Variants in EYA1 observed in about 807,000 individuals in gnomAD.
EYA1 encodes the protein protein phosphatase EYA1.
Under a neutral mutation model 82.0 loss-of-function variants are expected in EYA1, and 16 were observed. The ratio of observed to expected loss-of-function variants is 0.20; its 90% CI spans 0.13 to 0.30. The LOEUF (loss-of-function observed/expected upper bound fraction) is 0.30, where lower values mean the gene tolerates loss of function less well. EYA1 is among the 10% of genes least tolerant of loss of function. EYA1 has a pLI of 1.00. For missense variants in EYA1, 633 were observed against 730.7 expected (o/e 0.87, Z 1.54); for synonymous variants, 261 against 264.4 (o/e 0.99, Z 0.12).
intron 11 of EYA1, among the ~76,000 whole-genome samples, chr8:71,264,431 A>T (rs2128937399): frequency 6.6e-6 from 1 of 152,348 alleles, no homozygotes; most frequent in South Asian, 2.1e-4. Context: ...GACAAGTGAG[A>T]TCCTCTTAGA....
chr8:71,430,738 G>A (rs1483951038), intron 2 of EYA1, among the ~76,000 whole-genome samples: 2 of 152,156 alleles, frequency 1.3e-5, no homozygotes, highest in African/African-American at 4.8e-5. Context: ...TCCCCAAGTA[G>A]CCAGAAATGA....
chr8:71,266,220 C>T (rs1399754979), intron 11 of EYA1, among the ~76,000 whole-genome samples: 2 of 152,220 alleles, frequency 1.3e-5, no homozygotes, highest in Non-Finnish European at 2.9e-5. Context: ...GGCTCAGCCA[C>T]ATGCTCCCCT....
At chr8:71,315,156 TGAC>T (rs1253668668) in intron 7 of EYA1, among the ~76,000 whole-genome samples, 1 of 152,118 alleles carries the variant, frequency 6.6e-6, no homozygotes, top group African/African-American at 2.4e-5. Context: ...CTTCACAGAC[TGAC>T]AACTGAGCAA....
At chr8:71,423,758 T>C (rs1182778906) in intron 2 of EYA1, among the ~76,000 whole-genome samples, 3 of 152,284 alleles carry the variant, frequency 2.0e-5, no homozygotes, top group African/African-American at 7.2e-5. Context: ...ATTTTTTTCT[T>C]AAAATAGTTA....
At chr8:71,524,913 T>C (rs1813697318) in intron 2 of EYA1, among the ~76,000 whole-genome samples, 1 of 152,202 alleles carries the variant, frequency 6.6e-6, no homozygotes, top group Non-Finnish European at 1.5e-5. Flanking sequence ...ACACAGGAAG[T>C]ATTGTTTTTG....
chr8:71,453,242 C>A (rs1807545379), intron 2 of EYA1, among the ~76,000 whole-genome samples: 1 of 152,174 alleles, frequency 6.6e-6, no homozygotes, highest in African/African-American at 2.4e-5. Context: ...AAGAAAAGAA[C>A]AAAGCCTCCA....
intron 2 of EYA1, among the ~76,000 whole-genome samples, chr8:71,500,161 A>G (rs1811712046): frequency 6.6e-6 from 1 of 152,256 alleles, no homozygotes; most frequent in African/African-American, 2.4e-5. Context: ...AGGTCTGAAC[A>G]GAAGATAAAT....
chr8:71,240,883 C>G (rs369414116), intron 12 of EYA1, among the ~76,000 whole-genome samples: 173 of 152,270 alleles, frequency 1.1e-3, no homozygotes, highest in African/African-American at 4.1e-3. Context: ...AAAAAGCTAA[C>G]AGAAAGAACT....
At chr8:71,407,135 G>A (rs367833977) in intron 2 of EYA1, among the ~76,000 whole-genome samples, 15,071 of 127,452 alleles carry the variant, frequency 0.12, 363 homozygotes, top group South Asian at 0.17. Flanking sequence ...ACACGGCAGG[G>A]TATTCCAACA....
intron 11 of EYA1, among the ~76,000 whole-genome samples, chr8:71,245,328 GC>G (rs1176166150): frequency 2.0e-5 from 3 of 152,046 alleles, no homozygotes; most frequent in Admixed American, 1.3e-4. Flanking sequence ...CCAGGTTCAA[GC>G]AATTCTCCTG....
intron 2 of EYA1, among the ~76,000 whole-genome samples, chr8:71,484,794 G>A (rs567674659): frequency 3.3e-5 from 5 of 152,236 alleles, no homozygotes; most frequent in South Asian, 2.1e-4. Flanking sequence ...CCATGCTGCC[G>A]CTCCCCATCA....
At chr8:71,329,252 T>G (rs1022761598) in intron 4 of EYA1, among the ~76,000 whole-genome samples, 3 of 152,210 alleles carry the variant, frequency 2.0e-5, no homozygotes, top group African/African-American at 7.2e-5. Context: ...TCTCACGGTA[T>G]TAGCCCCTAC....
chr8:71,246,268 T>A (rs946730296), intron 11 of EYA1, among the ~76,000 whole-genome samples: 8 of 152,190 alleles, frequency 5.3e-5, no homozygotes, highest in Admixed American at 1.3e-4. Flanking sequence ...TTGGAATAAG[T>A]ATGGAATCTC....
intron 2 of EYA1, among the ~76,000 whole-genome samples, chr8:71,441,404 C>T (rs1806425514): frequency 6.6e-6 from 1 of 151,904 alleles, no homozygotes; most frequent in Non-Finnish European, 1.5e-5. Flanking sequence ...AGTGAAACTC[C>T]ATCTCAAAAA....
intron 2 of EYA1, among the ~76,000 whole-genome samples, chr8:71,434,688 T>C (rs1325239310): frequency 2.0e-5 from 3 of 152,194 alleles, no homozygotes; most frequent in Non-Finnish European, 4.4e-5. Context: ...ATGTGAATTG[T>C]TTATTGATAG....
At chr8:71,236,331 G>A (rs1811827582) in intron 12 of EYA1, among the ~76,000 whole-genome samples, 1 of 152,062 alleles carries the variant, frequency 6.6e-6, no homozygotes, top group African/African-American at 2.4e-5. Context: ...CACAGCACCT[G>A]GCCGAATTTT....
At chr8:71,465,955 T>C (rs1312390114) in intron 2 of EYA1, among the ~76,000 whole-genome samples, 2 of 152,198 alleles carry the variant, frequency 1.3e-5, no homozygotes, top group African/African-American at 4.8e-5. Context: ...ACAAAACAAA[T>C]GGTCACTTTC....
Position 71,368,268 on chromosome 8 carries a change from A to G in EYA1, c.34-11757T>C, listed in dbSNP as rs575853422. Among the ~76,000 whole-genome samples the G allele has an allele frequency of 1.4e-3, 210 of 152,166 alleles. 1 individual carries two copies. Among genetic ancestry groups the G allele is most frequent in the Non-Finnish European group, 1.0e-4 (7 of 68,002 alleles). On this transcript the variant is annotated intron_variant, in intron 2 of 18. Transcript: ENST00000643681. ...TTAATCAATACAAGGAGAAACAAATAGTTTACCAAGAGGTCAGAGCGCCCG... is the reference window on the plus strand; with the variant it reads ...TTAATCAATACAAGGAGAAACAAATGGTTTACCAAGAGGTCAGAGCGCCCG...
intron 4 of EYA1, among the ~76,000 whole-genome samples, chr8:71,328,092 T>TG (rs936710050): frequency 2.2e-4 from 34 of 152,170 alleles, no homozygotes; most frequent in Middle Eastern, 3.4e-3. Context: ...CCTGTCCTGG[T>TG]GATCTCTCTA....
Sources: allele counts gnomAD v4.1 joint callset (sites outside exome capture counted in the v4.1 genomes callset), GRCh38; gene constraint gnomAD v4.1.1; transcripts MANE v1.5; gene names NCBI Gene and HGNC (gene_info 2026-07-23, HGNC 2026-07-21).